Variants in PXDN observed in about 807,000 individuals in gnomAD.
The protein encoded by PXDN is peroxidasin homolog.
PXDN carries 77 observed loss-of-function variants against 140.3 expected under a neutral mutation model. That is an observed-to-expected ratio of 0.55 (90% confidence interval 0.46 to 0.66). The LOEUF (loss-of-function observed/expected upper bound fraction) is 0.66, where lower values mean the gene tolerates loss of function less well. PXDN is among the 30% of genes least tolerant of loss of function. PXDN has a pLI of 0.00. For synonymous variants in PXDN, 911 were observed against 857.4 expected (o/e 1.06, Z -1.09); for missense variants, 1,838 against 2,039.5 (o/e 0.90, Z 1.90).
chr2:1,684,375 G>A (rs1208251905), intron 4 of PXDN, among the ~76,000 whole-genome samples: 2 of 152,184 alleles, frequency 1.3e-5, no homozygotes, highest in Non-Finnish European at 2.9e-5. Flanking sequence ...GGATAAGGGC[G>A]AGGGAGGCCT....
At chr2:1,719,997 AGGGAG>A (rs1684988633) in intron 1 of PXDN, among the ~76,000 whole-genome samples, 1 of 46,104 alleles carries the variant, frequency 2.2e-5, no homozygotes, top group Non-Finnish European at 3.9e-5. Flanking sequence ...GCAGAGAGAG[AGGGAG>A]GGGAGGGATG....
At chr2:1,640,816 GA>G (rs1465761954) in intron 19 of PXDN, among the ~76,000 whole-genome samples, 1 of 152,204 alleles carries the variant, frequency 6.6e-6, no homozygotes, top group Non-Finnish European at 1.5e-5. Context: ...GTCCCTGGTA[GA>G]ATTACAGGGC....
Position 1,635,534 on chromosome 2 carries a change from A to G in PXDN, c.4207-13T>C. The G allele has an allele frequency of 6.4e-7, 1 of 1,558,740 alleles. No homozygotes were observed. The highest frequency in any genetic ancestry group is 1.2e-5 in the South Asian group (1 of 85,288). ...CAAGTTTCTTTATCTGCAGCAATGC[A>G]AAGAACATTCATTCATTGGGCACTT... On this transcript the variant is annotated splice_polypyrimidine_tract_variant and intron_variant, in intron 21 of 22. Transcript: ENST00000252804.
chr2:1,667,792 G>A (rs541381675), intron 9 of PXDN, among the ~76,000 whole-genome samples: 1 of 152,214 alleles, frequency 6.6e-6, no homozygotes, highest in Non-Finnish European at 1.5e-5. Context: ...ACTGCTCAAG[G>A]AAATCAGAGA....
intron 21 of PXDN, among the ~76,000 whole-genome samples, chr2:1,638,486 G>A (rs974182568): frequency 6.6e-6 from 1 of 152,190 alleles, no homozygotes; most frequent in African/African-American, 2.4e-5. Flanking sequence ...TGGGAGAGAT[G>A]ATTCAGAGTT....
In PXDN at chr2:1,634,124, T is replaced by G; in HGVS notation, c.*80A>C. Reference sequence around the variant, plus strand: ...CACGAGTTCTGGGTGTTTCCTGGTCTGCAGTCCGCAGCTCCCTGCCATCGG... The same window carrying G: ...CACGAGTTCTGGGTGTTTCCTGGTCGGCAGTCCGCAGCTCCCTGCCATCGG... On this transcript the variant is annotated 3_prime_UTR_variant, in exon 23 of 23. Transcript: ENST00000252804. 6.6e-7 allele frequency: 1 copy of G among 1,525,640 alleles called. No individual in the cohort carries two copies. The highest frequency in any genetic ancestry group is 8.9e-7 in the Non-Finnish European group (1 of 1,129,056). 94.5% of individuals were successfully genotyped at this position (1,525,640 alleles called of 1,614,324 possible).
Position 1,708,494 on chromosome 2 carries a change from T to C in PXDN, c.201-15360A>G, listed in dbSNP as rs534620179. On this transcript the variant is annotated intron_variant, in intron 1 of 22. Transcript: ENST00000252804. ...TTCCTGACTAGAATGACAAAAGTCATAAGAAGCCCAAGTGATTCTCAATCC... is the reference window on the plus strand; with the variant it reads ...TTCCTGACTAGAATGACAAAAGTCACAAGAAGCCCAAGTGATTCTCAATCC... Among the ~76,000 whole-genome samples the C allele has an allele frequency of 1.4e-3, 218 of 152,224 alleles. 6 individuals are homozygous for C. The South Asian group carries it at 0.043, about 30-fold the overall frequency.
Position 1,687,701 on chromosome 2 carries a change from T to C in PXDN, c.347A>G (p.Tyr116Cys), listed in dbSNP as rs1364420690. The change falls in exon 4 of 23, where the codon TAT becomes TGT. Residue 116 changes from tyrosine (Y) to cysteine (C), a missense_variant and splice_region_variant. Tyr to Cys is a radical substitution (Grantham distance 194). Transcript: ENST00000252804. This position sits in a 1 kb window ranked among gnomAD's most constrained non-coding sequence, Gnocchi z 4.0. ...FEDLENLKYLYLYKNEIQSID... is the reference protein window; with the variant it reads ...FEDLENLKYLCLYKNEIQSID... ...TGACTGGATCTCATTCTTGTACAGATAGCTGAAACAAGAAACATTGGGGAG... is the reference window on the plus strand; with the variant it reads ...TGACTGGATCTCATTCTTGTACAGACAGCTGAAACAAGAAACATTGGGGAG... 1.3e-6 allele frequency: 2 copies of C among 1,514,468 alleles called. No individual in the cohort carries two copies. Among genetic ancestry groups the C allele is most frequent in the Non-Finnish European group, 9.1e-7 (1 of 1,094,526 alleles). 93.8% of individuals were successfully genotyped at this position (1,514,468 alleles called of 1,614,324 possible). A position where few individuals can be genotyped will look rare whatever the true frequency, so the allele number is the denominator to read the frequency against.
At chr2:1,652,817 T>C (rs563467035) in intron 16 of PXDN, among the ~76,000 whole-genome samples, 3 of 152,300 alleles carry the variant, frequency 2.0e-5, no homozygotes, top group Non-Finnish European at 4.4e-5. Context: ...AAGAACATTT[T>C]TTGCTCTAAT....
At chr2:1,697,329 G>GC (rs1220440359) in intron 1 of PXDN, among the ~76,000 whole-genome samples, 1 of 152,164 alleles carries the variant, frequency 6.6e-6, no homozygotes, top group African/African-American at 2.4e-5. Flanking sequence ...TGTTTCCTCT[G>GC]CATTTCCACG....
At chr2:1,657,981 C>T (rs989077937) in intron 14 of PXDN, among the ~76,000 whole-genome samples, 1 of 132,164 alleles carries the variant, frequency 7.6e-6, no homozygotes, top group African/African-American at 2.9e-5. Context: ...ACTGTGATTT[C>T]CTTTCTCCTT....
chr2:1,716,793 T>C (rs1684907314), intron 1 of PXDN, among the ~76,000 whole-genome samples: 1 of 152,176 alleles, frequency 6.6e-6, no homozygotes, highest in Non-Finnish European at 1.5e-5. Context: ...ACACACCTGT[T>C]TGACCCCAAG....
At chr2:1,653,485 A>T in intron 16 of PXDN, 143 bp downstream of exon 16, 1 of 1,229,678 alleles carries the variant, frequency 8.1e-7, no homozygotes, top group Non-Finnish European at 1.2e-6. Context: ...GAGGAATCAC[A>T]GTTTAAGGAA....
rs550484981 is a variant in PXDN at position 1,678,656 on chromosome 2, T to C, written c.730+1537A>G. On this transcript the variant is annotated intron_variant, in intron 7 of 22. Transcript: ENST00000252804. ...ACAGGGCCTCGGCTGATTCACAGGT[T>C]CTCGCACAGCTCAGCAGAGCTGCCA... 5.9e-5 allele frequency among the ~76,000 whole-genome samples: 9 copies of C among 152,316 alleles called. No individual in the cohort carries two copies. In the East Asian group the frequency reaches 1.5e-3, roughly 26 times the overall value.
At chr2:1,684,786 C>A (rs1175050177) in intron 4 of PXDN, among the ~76,000 whole-genome samples, 1 of 152,144 alleles carries the variant, frequency 6.6e-6, no homozygotes, top group Non-Finnish European at 1.5e-5. Context: ...CAATTTATAC[C>A]TTTTGATATA....
At chr2:1,681,368 G>A (rs1362089085) in intron 6 of PXDN, among the ~76,000 whole-genome samples, 2 of 151,698 alleles carry the variant, frequency 1.3e-5, no homozygotes, top group African/African-American at 4.8e-5. Flanking sequence ...AATAGTCTGC[G>A]AGCCTAAATT....
chr2:1,727,513 C>A (rs556268546), intron 1 of PXDN, among the ~76,000 whole-genome samples: 2 of 152,346 alleles, frequency 1.3e-5, no homozygotes, highest in African/African-American at 4.8e-5. Context: ...CAAGGGAGCA[C>A]ATCCGGAAAG....
At position 1,648,634 on chromosome 2, in the gene PXDN, T is replaced by TC; in HGVS notation, c.3145dup (p.Glu1049GlyfsTer63). On this transcript the variant is annotated frameshift_variant, in exon 17 of 23. Transcript: ENST00000252804. LOFTEE classifies it high-confidence loss of function. The surrounding 1 kb of genome is among the most constrained non-coding windows in gnomAD (Gnocchi z 8.9). The stretch of plus-strand genomic sequence containing the variant: ...GATGCCGGGGTCGTAGCCGTGGTAC[T>TC]CTCCCAGCGTCCTCATGCCCACCTC... The TC allele has an allele frequency of 6.2e-7, 1 of 1,610,260 alleles. No individual in the cohort carries two copies. Among genetic ancestry groups the TC allele is most frequent in the Non-Finnish European group, 8.5e-7 (1 of 1,178,892 alleles).
chr2:1,723,659 GATGA>G lies in PXDN; in HGVS notation c.200+20593_200+20596del, dbSNP rs558138861. 1.8e-3 allele frequency among the ~76,000 whole-genome samples: 269 copies of G among 152,094 alleles called. 1 individual carries two copies. Among genetic ancestry groups the G allele is most frequent in the Non-Finnish European group, 2.0e-3 (135 of 67,988 alleles). On this transcript the variant is annotated intron_variant, in intron 1 of 22. Transcript: ENST00000252804. The stretch of plus-strand genomic sequence containing the variant: ...AGATGGACTAATAAATGAATAGATG[GATGA>G]ATGAATGGATTAATGGATGGATGGA...
Sources: gnomAD v4.1 joint callset for allele counts (sites outside exome capture counted in the v4.1 genomes callset) on GRCh38, gnomAD v4.1.1 for gene constraint, Gnocchi (gnomAD v3.1) non-coding constraint, MANE v1.5 for transcripts, NCBI Gene and HGNC (gene_info 2026-07-23, HGNC 2026-07-21) for gene names.